GSE1: variants seen among roughly 807,000 people sequenced by gnomAD.
GSE1 encodes the protein genetic suppressor element 1.
GSE1 carries 32 observed loss-of-function variants against 112.6 expected under a neutral mutation model. That is an observed-to-expected ratio of 0.28 (90% CI 0.21 to 0.38). The LOEUF is 0.38. Ranked by LOEUF, GSE1 falls within the 10% of genes least tolerant of loss-of-function variation. GSE1 has a pLI of 1.00. For missense variants in GSE1, 2,348 were observed against 1,699.2 expected, an observed-to-expected ratio of 1.38 and a Z score of -6.71; for synonymous variants, 1,115 against 735.6, an observed-to-expected ratio of 1.52 and a Z score of -8.35.
chr16:85,357,322 G>A (rs908676317), intron 1 of GSE1: 1 of 401,512 alleles, frequency 2.5e-6, no homozygotes, highest in Non-Finnish European at 4.0e-6. Flanking sequence ...CTGTTGCCCT[G>A]AGCCAGCCAG....
At position 85,457,081 on chromosome 16, in the gene GSE1, T is replaced by C. The variant is rs1031122093; in HGVS notation, c.2464+99438T>C. The stretch of plus-strand genomic sequence containing the variant: ...TCCTGAGATCACTGCCTGCTCGGGG[T>C]GGCTGTGGGGGTAAGCCAGGCAGTT... On this transcript the variant is annotated intron_variant, in intron 2 of 2. Transcript: ENST00000637419. 2.6e-5 allele frequency among the ~76,000 whole-genome samples: 4 copies of C among 152,042 alleles called. No homozygotes were observed. The South Asian group carries it at 6.2e-4, about 24-fold the overall frequency.
intron 1 of GSE1, among the ~76,000 whole-genome samples, chr16:85,209,382 C>A (rs968418487): frequency 2.0e-5 from 3 of 152,178 alleles, no homozygotes; most frequent in African/African-American, 7.2e-5. Flanking sequence ...CAGTGCCTGG[C>A]TCCCGTGCCC....
intron 1 of GSE1, among the ~76,000 whole-genome samples, chr16:85,590,258 G>T (rs2046933178): frequency 6.6e-6 from 1 of 152,040 alleles, no homozygotes; most frequent in Non-Finnish European, 1.5e-5. Flanking sequence ...GCCCGCGTGT[G>T]AATGAGTGTG....
rs1453548972 is a variant in GSE1 at position 85,656,567 on chromosome 16, A to G, written c.1214A>G (p.Glu405Gly). The G allele has an allele frequency of 6.5e-7, 1 of 1,547,710 alleles. No individual in the cohort carries two copies. The highest frequency in any genetic ancestry group is 1.4e-5 in the African/African-American group (1 of 72,956). ...EKELLAAKAL[E>G]PSFLPVAELH... Reference sequence around the variant, plus strand: ...GAGCTGCTGGCCGCCAAGGCCCTGGAGCCCAGCTTCCTGCCCGTGGCCGAG... The same window carrying G: ...GAGCTGCTGGCCGCCAAGGCCCTGGGGCCCAGCTTCCTGCCCGTGGCCGAG... The change falls in exon 7 of 16, where the codon GAG becomes GGG. Residue 405 changes from glutamate (E) to glycine (G), a missense_variant. Glu to Gly is a moderately conservative substitution (Grantham distance 98, BLOSUM62 -2). Transcript: ENST00000253458.
At position 85,169,865 on chromosome 16, in the gene GSE1, G is replaced by A. The variant is rs1567583549; in HGVS notation, c.341G>A (p.Trp114Ter). 1 of 984,408 alleles carries A rather than the reference G, an allele frequency of 1.0e-6. No homozygotes were observed. Among genetic ancestry groups the A allele is most frequent in the African/African-American group, 1.8e-5 (1 of 57,116 alleles). The allele number at this position is 984,408 out of a possible 1,614,324, so 61.0% of individuals were successfully genotyped here. ...ACGCCGGTGGACAAGCGCATGTACTGGCTCAAGCGGCCCCACCAGTGCGAC... is the reference window on the plus strand; with the variant it reads ...ACGCCGGTGGACAAGCGCATGTACTAGCTCAAGCGGCCCCACCAGTGCGAC... Residue 114 changes from tryptophan to a stop codon, truncating the protein, a stop_gained, in exon 1 of 3, where the codon TGG (tryptophan) becomes TAG (stop). Coordinates refer to the GSE1 transcript ENST00000637419. LOFTEE classifies it high-confidence loss of function.
chr16:85,176,119 G>A (rs1567589259), intron 1 of GSE1, among the ~76,000 whole-genome samples: 1 of 152,160 alleles, frequency 6.6e-6, no homozygotes. Flanking sequence ...CTTCTGAGTA[G>A]CTGGGACCAT....
At chr16:85,536,479 G>T (rs1276485585) in intron 2 of GSE1, among the ~76,000 whole-genome samples, 1 of 152,220 alleles carries the variant, frequency 6.6e-6, no homozygotes. Flanking sequence ...TGCAGTCCTT[G>T]CCTGTGTGGG....
chr16:85,241,521 G>C (rs778075805), intron 1 of GSE1, among the ~76,000 whole-genome samples: 4 of 152,184 alleles, frequency 2.6e-5, no homozygotes, highest in Non-Finnish European at 4.4e-5. Context: ...CAGAAAGCTG[G>C]TGGTTAAACC....
chr16:85,357,498 C>G, exon 2 of GSE1: 1 of 1,253,916 alleles, frequency 8.0e-7, no homozygotes, highest in Non-Finnish European at 1.0e-6. Context: ...CTGCAGCCAG[C>G]CACCCTCCCA....
intron 1 of GSE1, among the ~76,000 whole-genome samples, chr16:85,576,445 C>T (rs916170773): frequency 6.6e-6 from 1 of 152,190 alleles, no homozygotes; most frequent in South Asian, 2.1e-4. Context: ...CCCTTCCACA[C>T]TTTTGGAGCC....
chr16:85,458,370 G>A (rs1379110962), intron 2 of GSE1, among the ~76,000 whole-genome samples: 2 of 152,270 alleles, frequency 1.3e-5, no homozygotes, highest in East Asian at 1.9e-4. Flanking sequence ...GGGCCTTCAG[G>A]TGCAGGTGCC....
intron 1 of GSE1, among the ~76,000 whole-genome samples, chr16:85,244,595 A>T (rs1905435349): frequency 6.6e-6 from 1 of 152,216 alleles, no homozygotes; most frequent in Non-Finnish European, 1.5e-5. Context: ...CACGCATGTA[A>T]TCCTAGCACG....
Position 85,311,105 on chromosome 16 carries a change from G to A in GSE1, c.2284-46358G>A, listed in dbSNP as rs1022474337. ...CCAGCAGGCAGGGCATCTGACAGCC[G>A]TGGAGGACGGCAGAGGGGAGGGCAG... On this transcript the variant is annotated intron_variant, in intron 1 of 2. Transcript: ENST00000637419. The surrounding 1 kb of genome is among the most constrained non-coding windows in gnomAD (Gnocchi z 4.2). Among the ~76,000 whole-genome samples the A allele has an allele frequency of 7.2e-5, 11 of 152,332 alleles. No individual in the cohort carries two copies. In the East Asian group the frequency reaches 7.7e-4, roughly 11 times the overall value.
At chr16:85,210,782 G>C (rs1001007752) in intron 1 of GSE1, among the ~76,000 whole-genome samples, 18 of 152,300 alleles carry the variant, frequency 1.2e-4, no homozygotes, top group African/African-American at 3.9e-4. Flanking sequence ...CTTTAATGTT[G>C]TCACCGTGTC....
At chr16:85,288,574 A>G (rs1243097787) in intron 1 of GSE1, among the ~76,000 whole-genome samples, 1 of 152,234 alleles carries the variant, frequency 6.6e-6, no homozygotes, top group Non-Finnish European at 1.5e-5. Context: ...GTTTCAAAGA[A>G]GCCTCTGATC....
intron 2 of GSE1, among the ~76,000 whole-genome samples, chr16:85,487,174 G>A (rs1248085244): frequency 2.0e-5 from 3 of 152,180 alleles, no homozygotes; most frequent in Non-Finnish European, 4.4e-5. Flanking sequence ...TGTCCTGCTC[G>A]AGGTGAGCAT....
intron 1 of GSE1, among the ~76,000 whole-genome samples, chr16:85,587,473 T>C (rs2151417229): frequency 6.6e-6 from 1 of 152,120 alleles, no homozygotes; most frequent in East Asian, 1.9e-4. Flanking sequence ...GTGGTCAGGC[T>C]TCAGAGGGGG....
At chr16:85,203,250 T>C (rs1597791244) in intron 1 of GSE1, among the ~76,000 whole-genome samples, 3 of 152,108 alleles carry the variant, frequency 2.0e-5, no homozygotes, top group African/African-American at 7.2e-5. Context: ...GATGGAGTGA[T>C]GGCCACCAGC....
chr16:85,503,491 A>G (rs1315181263), intron 2 of GSE1, among the ~76,000 whole-genome samples: 1 of 152,068 alleles, frequency 6.6e-6, no homozygotes, highest in African/African-American at 2.4e-5. Context: ...CCTCCACAAA[A>G]TTACAGCTGT....
Sources: allele counts gnomAD v4.1 joint callset (sites outside exome capture counted in the v4.1 genomes callset), GRCh38; gene constraint gnomAD v4.1.1; non-coding constraint Gnocchi (gnomAD v3.1); transcripts MANE v1.5; gene names NCBI Gene and HGNC (gene_info 2026-07-23, HGNC 2026-07-21).